CCDC73: variants seen among roughly 807,000 people sequenced by gnomAD.
CCDC73 encodes coiled-coil domain containing 73, also known as coiled-coil domain-containing protein 73.
Under a neutral mutation model 116.5 loss-of-function variants are expected in CCDC73, and 95 were observed. The ratio of observed to expected loss-of-function variants is 0.82; its 90% CI spans 0.69 to 0.97. CCDC73 has a LOEUF of 0.97. Among genes scored for constraint, CCDC73 ranks in the 50% least tolerant of loss-of-function variants. The probability of loss-of-function intolerance (pLI) is 0.00; values close to 1 mark genes in which losing one functional copy is unlikely to be tolerated. For missense variants in CCDC73, 1,066 were observed against 1,206.8 expected (o/e 0.88, Z 1.73); for synonymous variants, 398 against 401.3 (o/e 0.99, Z 0.10).
At chr11:32,745,894 G>A (rs1321133820) in intron 2 of CCDC73, among the ~76,000 whole-genome samples, 3 of 151,978 alleles carry the variant, frequency 2.0e-5, no homozygotes, top group Non-Finnish European at 4.4e-5. Context: ...GCCAGTCTGT[G>A]TCTTTTAGTT....
intron 16 of CCDC73, among the ~76,000 whole-genome samples, chr11:32,613,154 A>G (rs1347065379): frequency 6.6e-6 from 1 of 152,222 alleles, no homozygotes; most frequent in East Asian, 1.9e-4. Flanking sequence ...AACATAGGAG[A>G]GAAACTAAAA....
chr11:32,830,041 C>A, the CCDC73 span: 1 of 987,176 alleles, frequency 1.0e-6, no homozygotes, highest in Non-Finnish European at 1.2e-6. Flanking sequence ...CCATCCAGAC[C>A]CTGCGGAGAG....
rs1179127741 is a variant in CCDC73, at chr11:32,666,451, C to T, written c.645+9114G>A. 9.8e-5 allele frequency among the ~76,000 whole-genome samples: 15 copies of T among 152,324 alleles called. No homozygotes were observed. In the East Asian group the frequency reaches 1.9e-3, roughly 20 times the overall value. ...TACTCTTTCTTCCAGTTAATCGAATCGGCTACTGAAGCTTGTGCATTCGTC... is the reference window on the plus strand; with the variant it reads ...TACTCTTTCTTCCAGTTAATCGAATTGGCTACTGAAGCTTGTGCATTCGTC... On this transcript the variant is annotated intron_variant, in intron 9 of 17. Transcript: ENST00000335185.
the CCDC73 span, among the ~76,000 whole-genome samples, chr11:32,807,790 C>A: frequency 6.6e-6 from 1 of 152,076 alleles, no homozygotes; most frequent in Admixed American, 6.6e-5. Context: ...GCAAAAGTAG[C>A]CACAGGTACT....
chr11:32,682,453 T>C (rs1856155406), intron 7 of CCDC73: 1 of 152,022 alleles, frequency 6.6e-6, no homozygotes, highest in African/African-American at 2.4e-5. Context: ...TAGCAGTCTA[T>C]GACTCTTATT....
chr11:32,730,793 A>C (rs1850069672), intron 2 of CCDC73, among the ~76,000 whole-genome samples: 1 of 151,994 alleles, frequency 6.6e-6, no homozygotes, highest in East Asian at 1.9e-4. Flanking sequence ...TCTGAGGGGG[A>C]GGTTCCAAGA....
chr11:32,699,280 C>A lies in CCDC73; in HGVS notation c.361G>T (p.Gly121Ter). ...ATEIKEKEIE[G>*]LKETLKALQV... Reference sequence around the variant, plus strand: ...AGTGCTTTTAATGTTTCCTTCAATCCTTCTATTTCTTTTTCCTTTATTTCT... The same window carrying A: ...AGTGCTTTTAATGTTTCCTTCAATCATTCTATTTCTTTTTCCTTTATTTCT... Residue 121 changes from glycine to a stop codon, truncating the protein, a stop_gained, in exon 6 of 18, where the codon GGA (glycine) becomes TGA (stop). Transcript: ENST00000335185. LOFTEE classifies it high-confidence loss of function. 1 of 1,577,574 alleles carries A rather than the reference C, an allele frequency of 6.3e-7. No homozygotes were observed. Among genetic ancestry groups the A allele is most frequent in the South Asian group, 1.1e-5 (1 of 88,432 alleles).
the CCDC73 span, among the ~76,000 whole-genome samples, chr11:32,812,038 A>G: frequency 2.2e-4 from 34 of 151,806 alleles, no homozygotes; most frequent in Non-Finnish European, 4.0e-4. Context: ...TGAGTGCTCC[A>G]GTTGCTGAGT....
At chr11:32,665,723 C>T (rs905084636) in intron 9 of CCDC73, among the ~76,000 whole-genome samples, 4 of 152,080 alleles carry the variant, frequency 2.6e-5, no homozygotes, top group Non-Finnish European at 5.9e-5. Flanking sequence ...GGTTATTTTC[C>T]TTGTTAGTTG....
chr11:32,757,978 G>A (rs987595101), intron 2 of CCDC73, among the ~76,000 whole-genome samples: 3 of 152,070 alleles, frequency 2.0e-5, no homozygotes, highest in Non-Finnish European at 4.4e-5. Flanking sequence ...TACCACAATG[G>A]GTATATGGGT....
chr11:32,654,854 C>A lies in CCDC73; in HGVS notation c.764G>T (p.Arg255Ile). 6.5e-7 allele frequency: 1 copy of A among 1,531,976 alleles called. No individual in the cohort carries two copies. The highest frequency in any genetic ancestry group is 1.2e-5 in the South Asian group (1 of 82,326). The allele number at this position is 1,531,976 out of a possible 1,614,324, so 94.9% of individuals were successfully genotyped here. A position where few individuals can be genotyped will look rare whatever the true frequency, so the allele number is the denominator to read the frequency against. Residue 255 changes from arginine to isoleucine, a missense_variant, in exon 10 of 18, where the codon AGA becomes ATA. Transcript: ENST00000335185. ...CATTTAATAAAATACCATGTTGAGT[C>A]TTTCTTGAAGTTCTTGAAATTTTTG... is the stretch of plus-strand genomic sequence containing the variant. ...KEQKFQELQERLNMELELNEK... is the reference protein window; with the variant it reads ...KEQKFQELQEILNMELELNEK...
the CCDC73 span, chr11:32,829,643 T>A: frequency 3.5e-3 from 1,961 of 554,528 alleles, 31 homozygotes; most frequent in African/African-American, 0.037. Context: ...CCGAGGGCGC[T>A]CTGCTTAAGA....
chr11:32,757,385 TATA>T (rs2133374390), intron 2 of CCDC73, among the ~76,000 whole-genome samples: 1 of 152,280 alleles, frequency 6.6e-6, no homozygotes, highest in Non-Finnish European at 1.5e-5. Context: ...TACTGAAGCA[TATA>T]ATTTCCAACT....
intron 6 of CCDC73, among the ~76,000 whole-genome samples, chr11:32,695,967 T>A (rs139315252): frequency 5.3e-5 from 8 of 152,126 alleles, no homozygotes; most frequent in Non-Finnish European, 2.9e-5. Context: ...ATTTTATTTT[T>A]AATTTTTCCA....
chr11:32,662,829 T>A (rs1209377170), intron 9 of CCDC73, among the ~76,000 whole-genome samples: 1 of 152,190 alleles, frequency 6.6e-6, no homozygotes, highest in Non-Finnish European at 1.5e-5. Flanking sequence ...AGGTCTAACA[T>A]TTAAGTCTTT....
chr11:32,672,023 T>G (rs550215542), intron 9 of CCDC73, among the ~76,000 whole-genome samples: 1 of 152,144 alleles, frequency 6.6e-6, no homozygotes, highest in Non-Finnish European at 1.5e-5. Context: ...CTCATCTACA[T>G]CCATAGGTCA....
chr11:32,747,230 C>G (rs1202988188), intron 2 of CCDC73, among the ~76,000 whole-genome samples: 2 of 152,134 alleles, frequency 1.3e-5, no homozygotes, highest in Admixed American at 6.5e-5. Context: ...CACTCCAGAC[C>G]CTGTTTGCCT....
intron 17 of CCDC73, chr11:32,605,694 T>C (rs984970066): frequency 6.6e-6 from 1 of 152,206 alleles, no homozygotes; most frequent in African/African-American, 2.4e-5. Context: ...GGAGCAGGGA[T>C]TGGCTTTAGA....
At chr11:32,611,099 A>G in intron 17 of CCDC73, 33 bp downstream of exon 17, 1 of 1,609,742 alleles carries the variant, frequency 6.2e-7, no homozygotes, top group Non-Finnish European at 8.5e-7. Context: ...TAGCTCACTA[A>G]GGTCTGCTCG....
Sources: gnomAD v4.1 joint callset for allele counts (sites outside exome capture counted in the v4.1 genomes callset) on GRCh38, gnomAD v4.1.1 for gene constraint, MANE v1.5 for transcripts, NCBI Gene and HGNC (gene_info 2026-07-23, HGNC 2026-07-21) for gene names.